Variants in BFSP1 observed in about 807,000 individuals in gnomAD.
BFSP1 encodes beaded filament structural protein 1, also known as filensin.
Under a neutral mutation model 43.9 loss-of-function variants are expected in BFSP1, and 38 were observed. That is an observed-to-expected ratio of 0.87 (90% CI 0.67 to 1.14). The LOEUF (loss-of-function observed/expected upper bound fraction) is 1.14, where lower values mean the gene tolerates loss of function less well. Among genes scored for constraint, BFSP1 ranks in the 50% most tolerant of loss-of-function variants. The pLI, the probability that BFSP1 is intolerant of heterozygous loss-of-function variation, is 0.00. For synonymous variants in BFSP1, 352 were observed against 354.8 expected (o/e 0.99, Z 0.09); for missense variants, 850 against 875.1 (o/e 0.97, Z 0.36).
chr20:17,558,754 G>GTGC, exon 1 of BFSP1: 2 of 1,548,618 alleles, frequency 1.3e-6, no homozygotes, highest in Non-Finnish European at 1.7e-6. Flanking sequence ...CATCCAAGGT[G>GTGC]TGCTGCCTGC....
At chr20:17,500,452 C>T (rs76673557) in intron 5 of BFSP1, among the ~76,000 whole-genome samples, 8,316 of 152,164 alleles carry the variant, frequency 0.055, 230 homozygotes, top group Middle Eastern at 0.078. Flanking sequence ...ATCCTAGGGC[C>T]GTGGAGCCAT....
intron 3 of BFSP1, 68 bp from the exon 4 acceptor site, chr20:17,512,136 T>G (rs2034097586): frequency 3.0e-6 from 4 of 1,338,238 alleles, no homozygotes; most frequent in East Asian, 2.3e-5. Context: ...TAGTACTAGA[T>G]GAGAACAGGA....
rs561457365 is a variant in BFSP1 at position 17,508,846 on chromosome 20, CAT to C, written c.735+41_735+42del. 1,387 of 1,483,928 alleles carry C rather than the reference CAT, an allele frequency of 9.3e-4. 1 individual carries two copies. The highest frequency in any genetic ancestry group is 1.2e-3 in the Non-Finnish European group (1,294 of 1,110,172). 91.9% of individuals were successfully genotyped at this position (1,483,928 alleles called of 1,614,324 possible). A position where few individuals can be genotyped will look rare whatever the true frequency, so the allele number is the denominator to read the frequency against. The stretch of plus-strand genomic sequence containing the variant: ...GCCTGCGCGTAACACCTCCATGAAA[CAT>C]GTGGGAAGCCCCAATGCACACGCGG... On this transcript the variant is annotated intron_variant, in intron 5 of 7. Coordinates refer to ENST00000377873, the MANE Select transcript of BFSP1 (RefSeq NM_001195.5).
chr20:17,543,489 C>T (rs1219006551), intron 1 of BFSP1, among the ~76,000 whole-genome samples: 2 of 152,084 alleles, frequency 1.3e-5, no homozygotes, highest in Non-Finnish European at 2.9e-5. Context: ...ACAGCAGCAA[C>T]AGTGTTAGCT....
intron 5 of BFSP1, among the ~76,000 whole-genome samples, chr20:17,504,410 G>C (rs948460805): frequency 6.6e-6 from 1 of 152,132 alleles, no homozygotes; most frequent in South Asian, 2.1e-4. Flanking sequence ...TGCCTGTGAC[G>C]AGAGCCACTG....
exon 1 of BFSP1, chr20:17,558,781 C>T: frequency 6.5e-7 from 1 of 1,534,978 alleles, no homozygotes; most frequent in African/African-American, 1.4e-5. Flanking sequence ...AGGTACCCTG[C>T]CTACCCAGGA....
chr20:17,545,902 A>C (rs1331880327), intron 1 of BFSP1, among the ~76,000 whole-genome samples: 3 of 152,172 alleles, frequency 2.0e-5, no homozygotes, highest in Non-Finnish European at 4.4e-5. Context: ...TATGAGAAAA[A>C]CTTGAAACAA....
At chr20:17,514,939 G>C in intron 2 of BFSP1, 123 bp from the exon 3 acceptor site, 2 of 807,746 alleles carry the variant, frequency 2.5e-6, no homozygotes, top group Non-Finnish European at 4.1e-6. Flanking sequence ...GGTTCAGTAG[G>C]TCTGGGAGGG....
rs886081089 is a variant in BFSP1 at position 17,531,175 on chromosome 20, G to T, written c.155C>A (p.Ala52Asp). 4 of 1,291,202 alleles carry T rather than the reference G, an allele frequency of 3.1e-6. No individual in the cohort carries two copies. The highest frequency in any genetic ancestry group is 3.9e-6 in the Non-Finnish European group (4 of 1,021,942). The allele number at this position is 1,291,202 out of a possible 1,614,324, so 80.0% of individuals were successfully genotyped here. The change falls in exon 1 of 8, where the codon GCC becomes GAC. Residue 52 changes from alanine (A) to aspartate (D), a missense_variant. Ala to Asp is a moderately radical substitution (Grantham distance 126, BLOSUM62 -2). Transcript: ENST00000377873. ...AALQGLGERV[A>D]AHVQRARALE... Reference sequence around the variant, plus strand: ...GGCGCGGGCCCGCTGGACGTGGGCGGCCACGCGCTCGCCGAGCCCCTGCAG... The same window carrying T: ...GGCGCGGGCCCGCTGGACGTGGGCGTCCACGCGCTCGCCGAGCCCCTGCAG...
At position 17,538,272 on chromosome 20, in the gene BFSP1, A is replaced by G. The variant is rs2034662870; in HGVS notation, c.3-13364T>C. Among the ~76,000 whole-genome samples the G allele has an allele frequency of 3.3e-5, 5 of 152,222 alleles. No homozygotes were observed. In the South Asian group the frequency reaches 1.0e-3, roughly 32 times the overall value. On this transcript the variant is annotated intron_variant, in intron 1 of 7. Transcript: ENST00000377868. ...CAACTTACTCTCAATGGTTCAAAAA[A>G]TAAATAATAGATATGCATTTATGTT... is the stretch of plus-strand genomic sequence containing the variant.
intron 1 of BFSP1, among the ~76,000 whole-genome samples, chr20:17,548,844 G>C (rs189592894): frequency 5.9e-5 from 9 of 152,230 alleles, no homozygotes; most frequent in African/African-American, 2.2e-4. Context: ...GTCTTGCTCT[G>C]TCACCCAGGC....
At chr20:17,542,169 A>C (rs568515457) in intron 1 of BFSP1, among the ~76,000 whole-genome samples, 1 of 152,252 alleles carries the variant, frequency 6.6e-6, no homozygotes, top group African/African-American at 2.4e-5. Flanking sequence ...ATGAGAGCCA[A>C]TTGCTAAATT....
At chr20:17,510,561 C>A (rs972645782) in intron 4 of BFSP1, among the ~76,000 whole-genome samples, 19 of 152,194 alleles carry the variant, frequency 1.2e-4, no homozygotes, top group African/African-American at 4.6e-4. Flanking sequence ...AAAAAAGTAA[C>A]TTTCCTGTCG....
chr20:17,513,050 A>G (rs1046220301), intron 3 of BFSP1, among the ~76,000 whole-genome samples: 2 of 152,038 alleles, frequency 1.3e-5, no homozygotes, highest in African/African-American at 2.4e-5. Flanking sequence ...CTCATCCCCA[A>G]CCCAGGCCAA....
At chr20:17,511,882 G>A (rs1274309567) in intron 4 of BFSP1, 94 bp downstream of exon 4, 31 of 1,084,500 alleles carry the variant, frequency 2.9e-5, no homozygotes, top group East Asian at 1.9e-4. Flanking sequence ...CCTGGTGGCC[G>A]CCCTCACAGT....
At chr20:17,537,884 G>A (rs1484717950) in intron 1 of BFSP1, among the ~76,000 whole-genome samples, 1 of 152,072 alleles carries the variant, frequency 6.6e-6, no homozygotes, top group Non-Finnish European at 1.5e-5. Context: ...TTGGGAGGTC[G>A]AGGCAGGAGG....
intron 5 of BFSP1, among the ~76,000 whole-genome samples, chr20:17,502,702 C>T (rs2033832801): frequency 6.6e-6 from 1 of 152,170 alleles, no homozygotes; most frequent in Non-Finnish European, 1.5e-5. Context: ...CTGAATAAAA[C>T]AAGAGTCCCC....
At position 17,507,411 on chromosome 20, in the gene BFSP1, T is replaced by C. The variant is rs1463290524; in HGVS notation, c.735+1478A>G. Among the ~76,000 whole-genome samples, 1 of 152,138 alleles carries C rather than the reference T, an allele frequency of 6.6e-6. No homozygotes were observed. The highest frequency in any genetic ancestry group is 2.1e-4 in the South Asian group (1 of 4,824). ...CTCTGTTTTTCTTATTATATTTTAG[T>C]CTAGCATTTTGTTGACTTCCTTTTA... On this transcript the variant is annotated intron_variant, in intron 5 of 7. Coordinates refer to ENST00000377873, the MANE Select transcript of BFSP1 (RefSeq NM_001195.5). This position sits in a 1 kb window ranked among gnomAD's most constrained non-coding sequence, Gnocchi z 4.4.
At chr20:17,538,541 G>C (rs2034666095) in intron 1 of BFSP1, among the ~76,000 whole-genome samples, 1 of 152,200 alleles carries the variant, frequency 6.6e-6, no homozygotes, top group East Asian at 1.9e-4. Context: ...ATGGTATCAT[G>C]ATCTCAGCAA....
Sources: gnomAD v4.1 joint callset for allele counts (sites outside exome capture counted in the v4.1 genomes callset) on GRCh38, gnomAD v4.1.1 for gene constraint, Gnocchi (gnomAD v3.1) non-coding constraint, MANE v1.5 for transcripts, NCBI Gene and HGNC (gene_info 2026-07-23, HGNC 2026-07-21) for gene names.